The following TBX15 variants were observed in gnomAD, a reference collection of about 807,000 sequenced individuals.
The protein encoded by TBX15 is T-box transcription factor TBX15.
In TBX15, 18 loss-of-function variants were observed where a neutral mutation model predicts 53.9. The observed-to-expected ratio is 0.33, with a 90% CI of 0.23 to 0.49. The LOEUF (loss-of-function observed/expected upper bound fraction) is 0.49, where lower values mean the gene tolerates loss of function less well. Ranked by LOEUF, TBX15 falls within the 20% of genes least tolerant of loss-of-function variation. The pLI is 0.98. For missense variants in TBX15, 692 were observed against 749.5 expected (o/e 0.92, Z 0.90); for synonymous variants, 295 against 278.0 (o/e 1.06, Z -0.61).
At chr1:118,921,802 A>G (rs1655433071) in intron 5 of TBX15, among the ~76,000 whole-genome samples, 1 of 152,184 alleles carries the variant, frequency 6.6e-6, no homozygotes, top group African/African-American at 2.4e-5. Flanking sequence ...ACTATTTCAC[A>G]GGCCTCCTAA....
At chr1:118,983,437 C>T (rs1201784666) in intron 1 of TBX15, among the ~76,000 whole-genome samples, 1 of 152,178 alleles carries the variant, frequency 6.6e-6, no homozygotes, top group Non-Finnish European at 1.5e-5. Flanking sequence ...CCCAGCCCCG[C>T]GCACCCAAAG....
At chr1:118,901,316 A>G in intron 6 of TBX15, 1 of 456,274 alleles carries the variant, frequency 2.2e-6, no homozygotes, top group South Asian at 1.6e-5. Context: ...AAAGGCACCA[A>G]ACTTATTCTT....
chr1:118,947,007 A>C (rs1028477934), intron 1 of TBX15, among the ~76,000 whole-genome samples: 16 of 152,284 alleles, frequency 1.1e-4, no homozygotes, highest in Admixed American at 9.1e-4. Flanking sequence ...CTGTTGCGGG[A>C]CTTGCAGTCC....
At chr1:118,910,859 G>T (rs1291538987) in intron 6 of TBX15, among the ~76,000 whole-genome samples, 1 of 152,074 alleles carries the variant, frequency 6.6e-6, no homozygotes, top group Admixed American at 6.5e-5. Context: ...TTCTCTACTA[G>T]GAAAACACTT....
At chr1:118,929,552 T>C (rs1404822272) in intron 2 of TBX15, among the ~76,000 whole-genome samples, 2 of 152,164 alleles carry the variant, frequency 1.3e-5, no homozygotes, top group East Asian at 3.9e-4. Context: ...ATTAATGTAG[T>C]TTCTAAACTT....
At chr1:118,952,658 G>T (rs990139000) in intron 1 of TBX15, among the ~76,000 whole-genome samples, 1 of 152,106 alleles carries the variant, frequency 6.6e-6, no homozygotes, top group African/African-American at 2.4e-5. Flanking sequence ...AATACCTACA[G>T]AGGCCCAGAC....
intron 1 of TBX15, among the ~76,000 whole-genome samples, chr1:118,956,531 G>A (rs2101667638): frequency 6.6e-6 from 1 of 152,250 alleles, no homozygotes; most frequent in Non-Finnish European, 1.5e-5. Flanking sequence ...TAAATTTTCT[G>A]TAAACTTAAA....
At chr1:118,971,434 A>T (rs1024447728) in intron 1 of TBX15, among the ~76,000 whole-genome samples, 1 of 152,328 alleles carries the variant, frequency 6.6e-6, no homozygotes, top group East Asian at 1.9e-4. Context: ...ACCCATCACT[A>T]AAGTTTGACA....
At chr1:118,937,011 T>TA (rs1655992937) in intron 1 of TBX15, among the ~76,000 whole-genome samples, 1 of 152,204 alleles carries the variant, frequency 6.6e-6, no homozygotes, top group South Asian at 2.1e-4. Context: ...CTGTGACAGA[T>TA]ACGCCTGCAG....
chr1:118,941,422 T>C (rs915282325), intron 1 of TBX15, among the ~76,000 whole-genome samples: 5 of 152,198 alleles, frequency 3.3e-5, no homozygotes, highest in Non-Finnish European at 7.3e-5. Context: ...AAGATGTAAG[T>C]AGGATAAACA....
chr1:118,977,629 G>A (rs890520480), intron 1 of TBX15, among the ~76,000 whole-genome samples: 2 of 152,194 alleles, frequency 1.3e-5, no homozygotes, highest in Admixed American at 6.5e-5. Context: ...CCCACCTGCA[G>A]AACTCTGTAA....
chr1:118,911,693 C>T (rs1407496411), intron 6 of TBX15, among the ~76,000 whole-genome samples: 2 of 152,174 alleles, frequency 1.3e-5, no homozygotes, highest in Non-Finnish European at 2.9e-5. Flanking sequence ...CATGCCTCAG[C>T]ACCTTCATTC....
intron 1 of TBX15, among the ~76,000 whole-genome samples, chr1:118,966,982 A>C (rs1477300612): frequency 3.3e-5 from 5 of 152,228 alleles, no homozygotes; most frequent in Non-Finnish European, 7.3e-5. Flanking sequence ...CAAAAGCCAA[A>C]ACTATGATTA....
intron 1 of TBX15, among the ~76,000 whole-genome samples, chr1:118,955,365 T>C (rs1025293282): frequency 2.2e-4 from 34 of 152,318 alleles, no homozygotes; most frequent in African/African-American, 7.0e-4. Context: ...ACAGAAAAAC[T>C]TTATACTTAT....
chr1:118,952,293 A>G (rs902311454), intron 1 of TBX15, among the ~76,000 whole-genome samples: 1 of 152,234 alleles, frequency 6.6e-6, no homozygotes, highest in African/African-American at 2.4e-5. Flanking sequence ...CCAGTCAACA[A>G]TAGGCTATAG....
chr1:118,950,650 G>T lies in TBX15; in HGVS notation c.206-18818C>A, dbSNP rs1212706713. ...GCTGCCTGACCTCTCATGTGGTTTTGTTGTTGCTGTTCTGTTTCTTAAATG... is the reference window on the plus strand; with the variant it reads ...GCTGCCTGACCTCTCATGTGGTTTTTTTGTTGCTGTTCTGTTTCTTAAATG... On this transcript the variant is annotated intron_variant, in intron 1 of 7. Transcript: ENST00000369429. Among the ~76,000 whole-genome samples, 2 of 152,160 alleles carry T rather than the reference G, an allele frequency of 1.3e-5. 1 individual carries two copies. The highest frequency in any genetic ancestry group is 2.9e-5 in the Non-Finnish European group (2 of 68,028).
At chr1:118,887,453 T>C (rs981443554) in intron 7 of TBX15, among the ~76,000 whole-genome samples, 2 of 152,104 alleles carry the variant, frequency 1.3e-5, no homozygotes, top group African/African-American at 4.8e-5. Context: ...GGCAGGTGGA[T>C]CACTTGAGGT....
rs373854828 is a variant in TBX15, at chr1:118,926,478, C to T, written c.521+32G>A. ...GAATTGTCTTGGAATGCTGGTGATA[C>T]CCACATTTCCACATCCCAGAGTTAT... On this transcript the variant is annotated intron_variant, in intron 3 of 7. Coordinates refer to ENST00000369429, the MANE Select transcript of TBX15 (RefSeq NM_001330677.2). 32 of 1,575,688 alleles carry T rather than the reference C, an allele frequency of 2.0e-5. No homozygotes were observed. The Admixed American group carries it at 2.7e-4, about 13-fold the overall frequency.
At chr1:118,925,366 T>G (rs1003654924) in intron 3 of TBX15, among the ~76,000 whole-genome samples, 2 of 152,238 alleles carry the variant, frequency 1.3e-5, no homozygotes, top group African/African-American at 4.8e-5. Context: ...ATCTGGACTT[T>G]GAGGCATTTC....
Sources: allele counts gnomAD v4.1 joint callset (sites outside exome capture counted in the v4.1 genomes callset), GRCh38; gene constraint gnomAD v4.1.1; transcripts MANE v1.5; gene names NCBI Gene and HGNC (gene_info 2026-07-23, HGNC 2026-07-21).